The following TAS2R1 variants were observed in gnomAD, a reference collection of about 807,000 sequenced individuals.
TAS2R1 encodes the protein taste 2 receptor member 1.
For synonymous variants in TAS2R1, 141 were observed against 134.2 expected (o/e 1.05, Z -0.35); for missense variants, 370 against 353.4 (o/e 1.05, Z -0.38).
chr5:9,811,932 C>A, the TAS2R1 span, among the ~76,000 whole-genome samples: 1 of 152,116 alleles, frequency 6.6e-6, no homozygotes, highest in South Asian at 2.1e-4. Flanking sequence ...ACATGACACA[C>A]CCTTTCTCAT....
intron 2 of TAS2R1, among the ~76,000 whole-genome samples, chr5:9,650,164 T>A (rs985120506): frequency 6.6e-6 from 1 of 152,128 alleles, no homozygotes; most frequent in African/African-American, 2.4e-5. Flanking sequence ...AATAGAAAAA[T>A]TTGTATTCTA....
chr5:9,815,978 T>C, the TAS2R1 span, among the ~76,000 whole-genome samples: 1 of 152,184 alleles, frequency 6.6e-6, no homozygotes, highest in Non-Finnish European at 1.5e-5. Context: ...TATATGTGTA[T>C]GCCCTAACTA....
chr5:9,798,899 G>C, the TAS2R1 span, among the ~76,000 whole-genome samples: 1 of 152,220 alleles, frequency 6.6e-6, no homozygotes, highest in African/African-American at 2.4e-5. Flanking sequence ...GACAGAGCAT[G>C]TCTGCCATCT....
the TAS2R1 span, among the ~76,000 whole-genome samples, chr5:9,807,875 ACAAAT>A: frequency 1.1e-4 from 16 of 152,254 alleles, no homozygotes; most frequent in African/African-American, 3.1e-4. Flanking sequence ...TAAAAATAAA[ACAAAT>A]CAAAACAAAC....
At chr5:9,764,138 T>C in the TAS2R1 span, among the ~76,000 whole-genome samples, 1 of 152,258 alleles carries the variant, frequency 6.6e-6, no homozygotes. Flanking sequence ...TTGAAATTTA[T>C]AGGAGACAAA....
chr5:9,706,911 TTGAAGTA>T (rs1741626784), intron 1 of TAS2R1, among the ~76,000 whole-genome samples: 1 of 152,140 alleles, frequency 6.6e-6, no homozygotes, highest in South Asian at 2.1e-4. Flanking sequence ...AAGGAGTATT[TTGAAGTA>T]TTAAATGATG....
the TAS2R1 span, among the ~76,000 whole-genome samples, chr5:9,780,707 G>A: frequency 6.6e-6 from 1 of 152,238 alleles, no homozygotes; most frequent in East Asian, 1.9e-4. Flanking sequence ...GCGCGCGCAT[G>A]CACGCACATG....
At chr5:9,809,307 G>A in the TAS2R1 span, among the ~76,000 whole-genome samples, 1 of 152,180 alleles carries the variant, frequency 6.6e-6, no homozygotes, top group Non-Finnish European at 1.5e-5. Context: ...GGGCCATGAA[G>A]GGAATGTTAC....
chr5:9,644,762 G>A (rs1235370398), intron 2 of TAS2R1, among the ~76,000 whole-genome samples: 7 of 152,118 alleles, frequency 4.6e-5, no homozygotes, highest in African/African-American at 9.7e-5. Context: ...TTGTGCATTC[G>A]TGTCACTTCG....
At chr5:9,822,199 C>T in the TAS2R1 span, among the ~76,000 whole-genome samples, 2 of 152,132 alleles carry the variant, frequency 1.3e-5, no homozygotes, top group Non-Finnish European at 2.9e-5. Flanking sequence ...CTATATCTTA[C>T]TCAATTTTCT....
chr5:9,793,274 G>C, the TAS2R1 span, among the ~76,000 whole-genome samples: 1 of 152,190 alleles, frequency 6.6e-6, no homozygotes, highest in East Asian at 1.9e-4. Context: ...TATAAATTAG[G>C]AATGGCCTAA....
At chr5:9,778,140 A>G in the TAS2R1 span, among the ~76,000 whole-genome samples, 1 of 152,098 alleles carries the variant, frequency 6.6e-6, no homozygotes, top group Non-Finnish European at 1.5e-5. Context: ...TCGGCCTCCC[A>G]AAGTGCTGGG....
chr5:9,743,177 T>C, the TAS2R1 span, among the ~76,000 whole-genome samples: 2 of 152,118 alleles, frequency 1.3e-5, no homozygotes, highest in African/African-American at 2.4e-5. Flanking sequence ...CAACCAACTC[T>C]CTTGGACTTT....
the TAS2R1 span, among the ~76,000 whole-genome samples, chr5:9,845,100 G>C: frequency 6.6e-6 from 1 of 152,168 alleles, no homozygotes; most frequent in Non-Finnish European, 1.5e-5. Context: ...ATGGTATTTG[G>C]AGGTGGAATC....
the TAS2R1 span, among the ~76,000 whole-genome samples, chr5:9,897,368 G>C: frequency 6.6e-6 from 1 of 152,280 alleles, no homozygotes; most frequent in East Asian, 1.9e-4. Context: ...AGAATCACTT[G>C]AACCCAGGAG....
At chr5:9,878,602 G>A in the TAS2R1 span, among the ~76,000 whole-genome samples, 122 of 152,280 alleles carry the variant, frequency 8.0e-4, no homozygotes, top group Middle Eastern at 3.4e-3. Flanking sequence ...TAGGTCATAT[G>A]GTCACTTCAT....
chr5:9,744,027 T>C, the TAS2R1 span, among the ~76,000 whole-genome samples: 1 of 152,216 alleles, frequency 6.6e-6, no homozygotes, highest in Non-Finnish European at 1.5e-5. Context: ...ATCACTCATG[T>C]TTGGATACTT....
At chr5:9,766,958 T>C in the TAS2R1 span, among the ~76,000 whole-genome samples, 1 of 152,148 alleles carries the variant, frequency 6.6e-6, no homozygotes, top group Non-Finnish European at 1.5e-5. Flanking sequence ...GGCTCCATCC[T>C]ATGCTCTCTT....
chr5:9,840,857 A>T, the TAS2R1 span, among the ~76,000 whole-genome samples: 389 of 131,982 alleles, frequency 2.9e-3, no homozygotes, highest in East Asian at 0.013. Flanking sequence ...TTATTTATTT[A>T]TTTTTTTTTT....
Sources: gnomAD v4.1 joint callset for allele counts (sites outside exome capture counted in the v4.1 genomes callset) on GRCh38, gnomAD v4.1.1 for gene constraint, MANE v1.5 for transcripts, NCBI Gene and HGNC (gene_info 2026-07-23, HGNC 2026-07-21) for gene names.